SRGAP1: variants seen among roughly 807,000 people sequenced by gnomAD.
The protein encoded by SRGAP1 is SLIT-ROBO Rho GTPase activating protein 1, also known as SLIT-ROBO Rho GTPase-activating protein 1.
A neutral mutation model predicts 121.9 loss-of-function variants in SRGAP1; 43 were observed. The ratio of observed to expected loss-of-function variants is 0.35; its 90% CI spans 0.28 to 0.46. The LOEUF is 0.46. Among genes scored for constraint, SRGAP1 ranks in the 20% least tolerant of loss-of-function variants. SRGAP1 has a pLI of 1.00. For missense variants in SRGAP1, 1,102 were observed against 1,350.9 expected (o/e 0.82, Z 2.89); for synonymous variants, 447 against 485.4 (o/e 0.92, Z 1.04).
At chr12:63,947,821 G>A (rs2032097783) in intron 1 of SRGAP1, among the ~76,000 whole-genome samples, 2 of 152,102 alleles carry the variant, frequency 1.3e-5, no homozygotes, top group Non-Finnish European at 2.9e-5. Context: ...ACAACCTTTA[G>A]TTCAGTGTTG....
intron 4 of SRGAP1, among the ~76,000 whole-genome samples, chr12:64,023,730 A>G (rs2034598422): frequency 6.6e-6 from 1 of 152,226 alleles, no homozygotes; most frequent in South Asian, 2.1e-4. Flanking sequence ...CAAGAGGAAA[A>G]GAACTGAGGA....
intron 1 of SRGAP1, among the ~76,000 whole-genome samples, chr12:63,975,306 G>T (rs1009285662): frequency 6.6e-6 from 1 of 152,110 alleles, no homozygotes; most frequent in African/African-American, 2.4e-5. Context: ...TTTGCCTTCT[G>T]ATTAAGCCTG....
Position 64,139,607 on chromosome 12 carries a change from A to G in SRGAP1, c.2881-2688A>G, listed in dbSNP as rs1390140988. On this transcript the variant is annotated intron_variant, in intron 21 of 21. Transcript: ENST00000355086. ...GGGGTTGTTTGTTTTTTTCTTGTAAATTTGTTTGAGTTCATTGTAGATTCT... is the reference window on the plus strand; with the variant it reads ...GGGGTTGTTTGTTTTTTTCTTGTAAGTTTGTTTGAGTTCATTGTAGATTCT... Among the ~76,000 whole-genome samples, 3 of 151,696 alleles carry G rather than the reference A, an allele frequency of 2.0e-5. No individual in the cohort carries two copies. The East Asian group carries it at 5.8e-4, about 29-fold the overall frequency.
intron 1 of SRGAP1, among the ~76,000 whole-genome samples, chr12:63,857,559 T>A (rs1259304758): frequency 6.6e-6 from 1 of 151,562 alleles, no homozygotes; most frequent in Non-Finnish European, 1.5e-5. Context: ...TTTTTTTGTA[T>A]TTTTAGTAAA....
At chr12:64,112,570 T>C (rs984019952) in intron 17 of SRGAP1, among the ~76,000 whole-genome samples, 14 of 152,228 alleles carry the variant, frequency 9.2e-5, no homozygotes, top group Non-Finnish European at 1.0e-4. Flanking sequence ...GATCTCATTC[T>C]TTTTATTGCT....
chr12:63,916,032 C>CTTTTTTTTTTTTTTTT (rs140042368), intron 1 of SRGAP1, among the ~76,000 whole-genome samples: 2 of 125,204 alleles, frequency 1.6e-5, no homozygotes, highest in African/African-American at 3.0e-5. Flanking sequence ...CTTTTCTTTT[C>CTTTTTTTTTTTTTTTT]TTTTTTTTTT....
Position 63,916,686 on chromosome 12 carries a change from G to A in SRGAP1, c.68-67261G>A, listed in dbSNP as rs2030794550. Among the ~76,000 whole-genome samples, 3 of 152,276 alleles carry A rather than the reference G, an allele frequency of 2.0e-5. No homozygotes were observed. In the South Asian group the frequency reaches 6.2e-4, roughly 32 times the overall value. On this transcript the variant is annotated intron_variant, in intron 1 of 21. Coordinates refer to ENST00000355086, the MANE Select transcript of SRGAP1 (RefSeq NM_020762.4). ...ATTTGAATCAGGAAGAAATTCCAGA[G>A]GAAGTTGTGACTATGCTGAAAGCTG... is the stretch of plus-strand genomic sequence containing the variant.
rs752844739 is a variant in SRGAP1, at chr12:64,128,057, C to G, written c.2737C>G (p.Pro913Ala). ...TGACAGTCCTGAGCGGAGGCGCAGG[C>G]CTGGCCATGGCAGCCTGACCAACAT... ...NNDSPERRRRPGHGSLTNISR... is the reference protein window; with the variant it reads ...NNDSPERRRRAGHGSLTNISR... Residue 913 changes from proline (P) to alanine (A), a missense_variant, in exon 21 of 22, where the codon CCT becomes GCT. Transcript: ENST00000355086. The G allele has an allele frequency of 1.2e-6, 2 of 1,614,170 alleles. No homozygotes were observed. Among genetic ancestry groups the G allele is most frequent in the Admixed American group, 1.7e-5 (1 of 60,026 alleles).
At chr12:63,921,430 A>G (rs1383209169) in intron 1 of SRGAP1, among the ~76,000 whole-genome samples, 1 of 152,116 alleles carries the variant, frequency 6.6e-6, no homozygotes, top group Non-Finnish European at 1.5e-5. Flanking sequence ...CTCTAGTGCC[A>G]TCTCTAGCTA....
In SRGAP1 at chr12:64,150,470, C is replaced by T. The variant is rs556966840; in HGVS notation, c.*7798C>T. The stretch of plus-strand genomic sequence containing the variant: ...GTTCTAATCTTCTGTCTCTGACATA[C>T]CCAAGGAACCCCTTGTGTAAAAATC... On this transcript the variant is annotated 3_prime_UTR_variant, in exon 22 of 22. Coordinates refer to ENST00000355086, the MANE Select transcript of SRGAP1 (RefSeq NM_020762.4). 3 of 152,022 alleles carry T rather than the reference C, an allele frequency of 2.0e-5. No individual in the cohort carries two copies. The highest frequency in any genetic ancestry group is 2.1e-4 in the South Asian group (1 of 4,814). 9.4% of individuals were successfully genotyped at this position (152,022 alleles called of 1,614,324 possible).
At chr12:64,112,053 T>A in intron 17 of SRGAP1, 67 bp downstream of exon 17, 1 of 1,315,224 alleles carries the variant, frequency 7.6e-7, no homozygotes, top group South Asian at 1.3e-5. Context: ...TCAATTTGAT[T>A]AGAAGAAAGA....
chr12:63,982,565 G>A (rs895253031), intron 1 of SRGAP1: 6 of 152,310 alleles, frequency 3.9e-5, no homozygotes, highest in Non-Finnish European at 1.5e-5. Context: ...TCAAGTGTAT[G>A]TATGTATATA....
At chr12:64,081,535 AATGTAT>A (rs1194907766) in intron 10 of SRGAP1, 2 of 152,106 alleles carry the variant, frequency 1.3e-5, no homozygotes, top group African/African-American at 4.8e-5. Flanking sequence ...AACCAAATAC[AATGTAT>A]GAACCTTCAC....
intron 1 of SRGAP1, among the ~76,000 whole-genome samples, chr12:63,857,307 G>A (rs1017445131): frequency 2.0e-5 from 3 of 151,918 alleles, no homozygotes; most frequent in African/African-American, 7.3e-5. Context: ...TCGAACTCCC[G>A]ACCTCAGATG....
chr12:64,101,441 T>C (rs367633859), intron 15 of SRGAP1, among the ~76,000 whole-genome samples: 1 of 151,794 alleles, frequency 6.6e-6, no homozygotes, highest in South Asian at 2.1e-4. Context: ...CAAAGGAAAT[T>C]TATCTTAGCA....
chr12:63,882,276 GTTTTGT>G (rs1460437062), intron 1 of SRGAP1, among the ~76,000 whole-genome samples: 1 of 151,746 alleles, frequency 6.6e-6, no homozygotes, highest in African/African-American at 2.4e-5. Flanking sequence ...ATTTTGTTTT[GTTTTGT>G]TTTGTTTTGT....
intron 21 of SRGAP1, among the ~76,000 whole-genome samples, chr12:64,137,932 TTTTC>T (rs1184014888): frequency 3.5e-5 from 5 of 142,656 alleles, no homozygotes; most frequent in Non-Finnish European, 6.1e-5. Flanking sequence ...CACTCTGCCT[TTTTC>T]TTTCTTAATT....
At chr12:63,983,828 ATATAT>A (rs2033333000) in intron 1 of SRGAP1, 114 bp from the exon 2 acceptor site, 1 of 95,964 alleles carries the variant, frequency 1.0e-5, no homozygotes, top group Non-Finnish European at 2.0e-5. Context: ...ATATATATAT[ATATAT>A]ATATATATAT....
chr12:63,912,336 C>T (rs181154648), intron 1 of SRGAP1, among the ~76,000 whole-genome samples: 256 of 152,022 alleles, frequency 1.7e-3, no homozygotes, highest in African/African-American at 3.5e-3. Flanking sequence ...GGCTGGGCAC[C>T]GTGGCTCAGA....
Sources: gnomAD v4.1 joint callset for allele counts (sites outside exome capture counted in the v4.1 genomes callset) on GRCh38, gnomAD v4.1.1 for gene constraint, MANE v1.5 for transcripts, NCBI Gene and HGNC (gene_info 2026-07-23, HGNC 2026-07-21) for gene names.